The following IGSF22 variants were observed in gnomAD, a reference collection of about 807,000 sequenced individuals.
The protein encoded by IGSF22 is immunoglobulin superfamily member 22, also known as immunoglobulin superfamily, member 22.
IGSF22 carries 119 observed loss-of-function variants against 127.0 expected under a neutral mutation model. The observed-to-expected ratio is 0.94, with a 90% CI of 0.81 to 1.09. The LOEUF is 1.09. Among genes scored for constraint, IGSF22 ranks in the 50% least tolerant of loss-of-function variants. IGSF22 has a pLI of 0.00. For synonymous variants in IGSF22, 568 were observed against 664.7 expected, an observed-to-expected ratio of 0.85 and a Z score of 2.24; for missense variants, 1,518 against 1,716.6, an observed-to-expected ratio of 0.88 and a Z score of 2.04.
Position 18,709,311 on chromosome 11 carries a change from TG to T in IGSF22, c.2998+75del. 6.9e-7 allele frequency: 1 copy of T among 1,449,430 alleles called. No homozygotes were observed. 89.8% of individuals were successfully genotyped at this position (1,449,430 alleles called of 1,614,324 possible). On this transcript the variant is annotated intron_variant, in intron 18 of 22. Coordinates refer to ENST00000513874, the MANE Select transcript of IGSF22 (RefSeq NM_173588.4). This position sits in a 1 kb window ranked among gnomAD's most constrained non-coding sequence, Gnocchi z 4.8. The stretch of plus-strand genomic sequence containing the variant: ...ATCCTAGCATCATCCAATTTTCCTG[TG>T]GGATGAGGCCCCAGAGGAGAAGGTT...
intron 10 of IGSF22, 120 bp from the exon 11 acceptor site, chr11:18,715,836 G>T: frequency 2.7e-6 from 3 of 1,110,394 alleles, no homozygotes; most frequent in South Asian, 3.0e-5. Context: ...TTGTGATGCT[G>T]AATGTGTTTG....
intron 14 of IGSF22, 69 bp from the exon 15 acceptor site, chr11:18,712,453 C>T: frequency 7.1e-7 from 1 of 1,400,362 alleles, no homozygotes; most frequent in South Asian, 1.4e-5. Flanking sequence ...CTCCCACTCA[C>T]CAAAGGTCTG....
chr11:18,719,937 C>G, intron 6 of IGSF22, 44 bp from the exon 7 acceptor site: 1 of 1,612,742 alleles, frequency 6.2e-7, no homozygotes, highest in Non-Finnish European at 8.5e-7. Context: ...CAATGCCTCT[C>G]CAACCTTGAG....
rs1410396000 is a variant in IGSF22 at position 18,712,122 on chromosome 11, G to A, written c.2358C>T (p.Asp786=). The stretch of plus-strand genomic sequence containing the variant: ...CAAACACTTCTTCTGTCTCCAGTGG[G>A]TCACTCACACCTTCTGAATTGACTG... ...ILAVNSEGVS[D]PLETEEVFAG... The change falls in exon 15 of 23, where the codon GAC becomes GAT. Residue 786 remains aspartate, a synonymous_variant. Coordinates refer to ENST00000513874, the MANE Select transcript of IGSF22 (RefSeq NM_173588.4). 1 of 1,551,668 alleles carries A rather than the reference G, an allele frequency of 6.4e-7. No individual in the cohort carries two copies. Among genetic ancestry groups the A allele is most frequent in the South Asian group, 1.2e-5 (1 of 84,062 alleles).
chr11:18,711,030 C>A (rs914888675), intron 15 of IGSF22, among the ~76,000 whole-genome samples: 6 of 152,198 alleles, frequency 3.9e-5, no homozygotes, highest in Non-Finnish European at 8.8e-5. Context: ...CCTGTCTTGG[C>A]CTTCCGAAGT....
rs192717678 is a variant in IGSF22, at chr11:18,710,064, C to T, written c.2701+263G>A. ...CCTCACACCCTTACTCAACCCTCAG[C>T]ATGCCTCTCCTACCTCACCTAACTA... On this transcript the variant is annotated intron_variant, in intron 17 of 22. Transcript: ENST00000513874. Among the ~76,000 whole-genome samples the T allele has an allele frequency of 1.2e-3, 180 of 152,256 alleles. 1 individual carries two copies. Among genetic ancestry groups the T allele is most frequent in the African/African-American group, 4.1e-3 (171 of 41,544 alleles).
chr11:18,721,023 A>G (rs2278734), intron 4 of IGSF22, among the ~76,000 whole-genome samples: 53,549 of 152,046 alleles, frequency 0.35, 9,830 homozygotes, highest in South Asian at 0.45. Context: ...GCCAGGGGTT[A>G]CAGCTGGGTA....
chr11:18,712,415 C>T (rs771844797), intron 14 of IGSF22, 31 bp from the exon 15 acceptor site: 2 of 1,525,824 alleles, frequency 1.3e-6, no homozygotes, highest in Non-Finnish European at 1.8e-6. Flanking sequence ...CAGAATGGGG[C>T]TTTGGAACAA....
intron 3 of IGSF22, 85 bp downstream of exon 3, chr11:18,721,825 A>G: frequency 6.3e-7 from 1 of 1,592,950 alleles, no homozygotes; most frequent in Non-Finnish European, 8.5e-7. Flanking sequence ...TTAGCATTGG[A>G]GGTCGTTGGG....
chr11:18,714,180 C>A lies in IGSF22; in HGVS notation c.1799-32G>T, dbSNP rs376551728. 1.0e-4 allele frequency: 163 copies of A among 1,597,612 alleles called. 1 individual carries two copies. Among genetic ancestry groups the A allele is most frequent in the Non-Finnish European group, 1.4e-4 (159 of 1,171,040 alleles). ...GGCGGGGCGGCAGGGAAGGCTTGAG[C>A]ATTGGCATGGAGGAGCCCATGGGGC... is the stretch of plus-strand genomic sequence containing the variant. On this transcript the variant is annotated intron_variant, in intron 13 of 22. Transcript: ENST00000513874.
intron 1 of IGSF22, among the ~76,000 whole-genome samples, chr11:18,724,523 T>C (rs1379862751): frequency 6.6e-6 from 1 of 152,130 alleles, no homozygotes; most frequent in East Asian, 1.9e-4. Context: ...GGCTTAGACT[T>C]ACCCAGCCAA....
chr11:18,722,474 T>C (rs1848591752), intron 2 of IGSF22, among the ~76,000 whole-genome samples: 1 of 152,104 alleles, frequency 6.6e-6, no homozygotes, highest in Non-Finnish European at 1.5e-5. Flanking sequence ...TGCCATTCTG[T>C]GGGTTCAGCA....
In IGSF22 at chr11:18,706,028, G is replaced by C. The variant is rs1255340896; in HGVS notation, c.3699C>G (p.Thr1233=). ...GCCGCGGGTTCCCAAGGAAGGCGCA[G>C]GTCATGGTGCAGTCCTGGCCGCGGA... The part of the protein sequence containing the change: ...TVLRGQDCTM[T]CAFLGNPRPT... The change falls in exon 22 of 23, where the codon ACC becomes ACG. Residue 1233 remains threonine (T), a synonymous_variant. Coordinates refer to ENST00000513874, the MANE Select transcript of IGSF22 (RefSeq NM_173588.4). 1.9e-6 allele frequency: 3 copies of C among 1,551,640 alleles called. No homozygotes were observed. The East Asian group carries it at 7.3e-5, about 38-fold the overall frequency.
intron 18 of IGSF22, among the ~76,000 whole-genome samples, chr11:18,708,825 A>G (rs1848296468): frequency 6.6e-6 from 1 of 152,240 alleles, no homozygotes; most frequent in African/African-American, 2.4e-5. Context: ...ATTACCAGCC[A>G]TTATTCCAGA....
At position 18,715,667 on chromosome 11, in the gene IGSF22, C is replaced by G; in HGVS notation, c.1296G>C (p.Glu432Asp). The G allele has an allele frequency of 3.7e-6, 6 of 1,613,704 alleles. No individual in the cohort carries two copies. Among genetic ancestry groups the G allele is most frequent in the Non-Finnish European group, 5.1e-6 (6 of 1,179,928 alleles). ...VSNLKNVRVKERSRACLECEL... is the reference protein window; with the variant it reads ...VSNLKNVRVKDRSRACLECEL... ...CACACTCCAGGCATGCGCGACTCCT[C>G]TCTTTCACACGTACATTTTTGAGGT... Residue 432 changes from glutamate to aspartate, a missense_variant, in exon 11 of 23, where the codon GAG becomes GAC. Glu to Asp is a conservative substitution (Grantham distance 45). Coordinates refer to ENST00000513874, the MANE Select transcript of IGSF22 (RefSeq NM_173588.4).
Position 18,712,222 on chromosome 11 carries a change from T to G in IGSF22, c.2258A>C (p.Glu753Ala). 6.4e-7 allele frequency: 1 copy of G among 1,551,762 alleles called. No homozygotes were observed. The highest frequency in any genetic ancestry group is 8.7e-7 in the Non-Finnish European group (1 of 1,147,004). ...GAAGTTGGTGACTTTGCCGTCCACC[T>G]CGCCTATCTTAATCCAGGACTTCTT... ...VGKKSWIKIG[E>A]VDGKVTNFST... Residue 753 changes from glutamate (E) to alanine (A), a missense_variant, in exon 15 of 23, where the codon GAG becomes GCG. By Grantham distance (107) the Glu-to-Ala change is moderately radical. Coordinates refer to ENST00000513874, the MANE Select transcript of IGSF22 (RefSeq NM_173588.4).
intron 1 of IGSF22, 106 bp from the exon 2 acceptor site, chr11:18,724,375 G>T: frequency 1.7e-6 from 1 of 597,068 alleles, no homozygotes; most frequent in Non-Finnish European, 3.0e-6. Flanking sequence ...GCACACAGGA[G>T]AGGGCCAGGA....
chr11:18,708,357 G>A, intron 18 of IGSF22, 62 bp from the exon 19 acceptor site: 1 of 1,349,206 alleles, frequency 7.4e-7, no homozygotes, highest in Non-Finnish European at 1.0e-6. Flanking sequence ...TCTGCTTTAA[G>A]CCTCCTCATC....
chr11:18,710,489 AG>A (rs1564869564), intron 16 of IGSF22, 34 bp from the exon 17 acceptor site: 2 of 1,612,704 alleles, frequency 1.2e-6, no homozygotes, highest in Non-Finnish European at 1.7e-6. Context: ...GTGAGGCCAG[AG>A]GCATCCATGG....
Sources: allele counts gnomAD v4.1 joint callset (sites outside exome capture counted in the v4.1 genomes callset), GRCh38; gene constraint gnomAD v4.1.1; non-coding constraint Gnocchi (gnomAD v3.1); transcripts MANE v1.5; gene names NCBI Gene and HGNC (gene_info 2026-07-23, HGNC 2026-07-21).